SNTG2: variants seen among roughly 807,000 people sequenced by gnomAD.
SNTG2 encodes the protein syntrophin gamma 2, also known as gamma-2-syntrophin.
Under a neutral mutation model 70.9 loss-of-function variants are expected in SNTG2, and 74 were observed. The observed-to-expected ratio is 1.04, with a 90% CI of 0.86 to 1.27. SNTG2 has a LOEUF of 1.27. SNTG2 is among the 50% of genes most tolerant of loss of function. The pLI, the probability that SNTG2 is intolerant of heterozygous loss-of-function variation, is 0.00. For synonymous variants in SNTG2, 278 were observed against 273.8 expected, an observed-to-expected ratio of 1.02 and a Z score of -0.15; for missense variants, 717 against 690.7, an observed-to-expected ratio of 1.04 and a Z score of -0.43.
chr2:1,024,975 A>G (rs966972828), intron 1 of SNTG2, among the ~76,000 whole-genome samples: 1 of 152,236 alleles, frequency 6.6e-6, no homozygotes, highest in African/African-American at 2.4e-5. Context: ...ATTTTGAAAT[A>G]TTGTCAAGAT....
rs373220886 is a variant in SNTG2, at chr2:1,146,107, GAGAA to G, written c.411+8300_411+8303del. ...CACAGCTAACATCATAGATAATGGT[GAGAA>G]ACTAGATGATTTCCCACCAAGATCA... On this transcript the variant is annotated intron_variant, in intron 6 of 16. Coordinates refer to ENST00000308624, the MANE Select transcript of SNTG2 (RefSeq NM_018968.4). Among the ~76,000 whole-genome samples, 232 of 152,232 alleles carry G rather than the reference GAGAA, an allele frequency of 1.5e-3. 1 individual carries two copies. The highest frequency in any genetic ancestry group is 5.4e-3 in the African/African-American group (224 of 41,546).
At chr2:1,245,865 CTG>C (rs1212898900) in intron 11 of SNTG2, among the ~76,000 whole-genome samples, 1 of 152,194 alleles carries the variant, frequency 6.6e-6, no homozygotes, top group Admixed American at 6.5e-5. Flanking sequence ...CTATGGGACA[CTG>C]TGAAATTCCC....
At chr2:961,845 A>G (rs1047728256) in intron 1 of SNTG2, among the ~76,000 whole-genome samples, 2 of 152,164 alleles carry the variant, frequency 1.3e-5, no homozygotes, top group Non-Finnish European at 2.9e-5. Flanking sequence ...TGCACACTTC[A>G]TGTGAAGCTG....
intron 6 of SNTG2, among the ~76,000 whole-genome samples, chr2:1,151,740 T>C (rs1171321238): frequency 6.6e-6 from 1 of 152,208 alleles, no homozygotes; most frequent in East Asian, 1.9e-4. Context: ...TTTGTTACTT[T>C]CATGAACCTG....
At chr2:1,085,728 G>A (rs917976917) in intron 2 of SNTG2, among the ~76,000 whole-genome samples, 2 of 152,196 alleles carry the variant, frequency 1.3e-5, no homozygotes, top group East Asian at 1.9e-4. Context: ...ATGAAGTGTC[G>A]ATGTTTAAGG....
chr2:1,043,400 C>T (rs917890977), intron 1 of SNTG2, among the ~76,000 whole-genome samples: 1 of 151,994 alleles, frequency 6.6e-6, no homozygotes, highest in Non-Finnish European at 1.5e-5. Flanking sequence ...TTCTTTTGCC[C>T]TGAAGACACT....
intron 6 of SNTG2, 57 bp from the exon 7 acceptor site, chr2:1,165,491 A>C: frequency 2.0e-6 from 3 of 1,465,956 alleles, no homozygotes; most frequent in Non-Finnish European, 2.8e-6. Context: ...TTATTTTTTA[A>C]TTCTGTGTCT....
rs114494901 is a variant in SNTG2 at position 1,109,186 on chromosome 2, C to G, written c.325+10776C>G. 5.7e-3 allele frequency among the ~76,000 whole-genome samples: 866 copies of G among 151,986 alleles called. 6 individuals carry two copies. The highest frequency in any genetic ancestry group is 0.02 in the African/African-American group (813 of 41,420). On this transcript the variant is annotated intron_variant, in intron 4 of 16. Transcript: ENST00000308624. ...GAAAGCAAAAGCGGCTTGCGAAGTC[C>G]CCTAAGCCCCTTTTATTCCCCCTAA...
At chr2:1,247,518 C>A in intron 12 of SNTG2, 75 bp downstream of exon 12, 1 of 1,052,908 alleles carries the variant, frequency 9.5e-7, no homozygotes, top group Non-Finnish European at 1.5e-6. Context: ...AAAGCTACAT[C>A]TGGTGTTTGG....
chr2:1,146,343 C>A (rs1478769004), intron 6 of SNTG2, among the ~76,000 whole-genome samples: 1 of 151,438 alleles, frequency 6.6e-6, no homozygotes, highest in East Asian at 2.0e-4. Flanking sequence ...GTAAATATAA[C>A]AAAATATGTA....
intron 12 of SNTG2, among the ~76,000 whole-genome samples, chr2:1,256,202 G>A (rs1459856723): frequency 3.3e-5 from 5 of 151,624 alleles, no homozygotes; most frequent in Admixed American, 2.6e-4. Context: ...AAGTTCCATC[G>A]ACCGGGTTTC....
rs1424981641 is a variant in SNTG2, at chr2:1,262,777, T to TCCA, written c.1077+3336_1077+3337insCCA. On this transcript the variant is annotated intron_variant, in intron 13 of 16. Transcript: ENST00000308624. Reference sequence around the variant, plus strand: ...CAGACGAGGCAACCCGAAGGCTCCGTGCAGACGAGGTAACCGGAAGGCTCG... The same window carrying TCCA: ...CAGACGAGGCAACCCGAAGGCTCCGTCCAGCAGACGAGGTAACCGGAAGGCTCG... 3.5e-3 allele frequency: 529 copies of TCCA among 151,380 alleles called. 8 individuals are homozygous for TCCA. Among genetic ancestry groups the TCCA allele is most frequent in the African/African-American group, 0.012 (484 of 41,238 alleles). 9.4% of individuals were successfully genotyped at this position (151,380 alleles called of 1,614,324 possible).
At chr2:1,140,355 C>T (rs1469691435) in intron 6 of SNTG2, among the ~76,000 whole-genome samples, 1 of 152,226 alleles carries the variant, frequency 6.6e-6, no homozygotes, top group African/African-American at 2.4e-5. Flanking sequence ...CAGCTACAGC[C>T]GAGTAAACTG....
chr2:1,252,657 A>C (rs1445172331), intron 12 of SNTG2, among the ~76,000 whole-genome samples: 2 of 152,202 alleles, frequency 1.3e-5, no homozygotes, highest in Non-Finnish European at 2.9e-5. Context: ...ACTGAGGCCT[A>C]TTAATGCTTG....
intron 14 of SNTG2, among the ~76,000 whole-genome samples, chr2:1,283,769 T>G (rs1679655174): frequency 6.6e-6 from 1 of 152,212 alleles, no homozygotes; most frequent in Admixed American, 6.5e-5. Context: ...ATCCTGCTCC[T>G]GCAGAAGCTC....
intron 8 of SNTG2, among the ~76,000 whole-genome samples, chr2:1,176,757 C>G (rs941124047): frequency 2.0e-5 from 3 of 152,064 alleles, no homozygotes; most frequent in African/African-American, 7.2e-5. Context: ...CATCACTGAT[C>G]CCCAGAGAAA....
chr2:1,177,492 A>AT (rs1553347618), intron 8 of SNTG2, among the ~76,000 whole-genome samples: 1 of 134,656 alleles, frequency 7.4e-6, no homozygotes, highest in African/African-American at 2.9e-5. Flanking sequence ...AAAAATAAAA[A>AT]TTAAAAAAAA....
chr2:1,015,161 G>T (rs1170042018), intron 1 of SNTG2, among the ~76,000 whole-genome samples: 2 of 152,132 alleles, frequency 1.3e-5, no homozygotes, highest in African/African-American at 4.8e-5. Context: ...CAGGTATCCT[G>T]GTCCCGCAGG....
intron 14 of SNTG2, among the ~76,000 whole-genome samples, chr2:1,275,469 A>G (rs1444485313): frequency 1.3e-5 from 2 of 152,260 alleles, no homozygotes; most frequent in East Asian, 3.9e-4. Flanking sequence ...TGTCACCGTG[A>G]TATGTGTTCA....
Sources: gnomAD v4.1 joint callset for allele counts (sites outside exome capture counted in the v4.1 genomes callset) on GRCh38, gnomAD v4.1.1 for gene constraint, MANE v1.5 for transcripts, NCBI Gene and HGNC (gene_info 2026-07-23, HGNC 2026-07-21) for gene names.